The following MSH4 variants were observed in gnomAD, a reference collection of about 807,000 sequenced individuals.
MSH4 encodes the protein mutS protein homolog 4.
MSH4 carries 106 observed loss-of-function variants against 113.7 expected under a neutral mutation model. The ratio of observed to expected loss-of-function variants is 0.93; its 90% CI spans 0.80 to 1.10. The LOEUF is 1.10. Among genes scored for constraint, MSH4 ranks in the 50% least tolerant of loss-of-function variants. The pLI is 0.00. For missense variants in MSH4, 1,061 were observed against 1,093.7 expected, an observed-to-expected ratio of 0.97 and a Z score of 0.42; for synonymous variants, 368 against 380.2, an observed-to-expected ratio of 0.97 and a Z score of 0.37.
intron 7 of MSH4, among the ~76,000 whole-genome samples, chr1:75,843,885 C>T (rs1050860467): frequency 4.6e-5 from 7 of 152,008 alleles, no homozygotes; most frequent in African/African-American, 1.7e-4. Flanking sequence ...GATCTCGGCT[C>T]ACTGTAACCT....
At chr1:75,809,919 G>C (rs1650151809) in intron 3 of MSH4, among the ~76,000 whole-genome samples, 1 of 152,054 alleles carries the variant, frequency 6.6e-6, no homozygotes, top group Non-Finnish European at 1.5e-5. Flanking sequence ...CCAAAGTGCT[G>C]AGATTACAGG....
chr1:75,861,610 A>C (rs1651456038), intron 8 of MSH4, among the ~76,000 whole-genome samples: 1 of 152,206 alleles, frequency 6.6e-6, no homozygotes, highest in African/African-American at 2.4e-5. Flanking sequence ...AGAACAGCAA[A>C]TATTGCTGCC....
intron 19 of MSH4, among the ~76,000 whole-genome samples, chr1:75,904,860 T>G (rs1652587450): frequency 1.3e-5 from 2 of 152,116 alleles, no homozygotes; most frequent in Non-Finnish European, 2.9e-5. Flanking sequence ...TTCTTTCTTT[T>G]AAGTTTTCCA....
chr1:75,876,559 A>G (rs1267796025), intron 9 of MSH4, among the ~76,000 whole-genome samples: 1 of 152,132 alleles, frequency 6.6e-6, no homozygotes, highest in African/African-American at 2.4e-5. Flanking sequence ...TGAATATACA[A>G]AGCACTTTTT....
chr1:75,807,712 T>G (rs887507135), intron 3 of MSH4, among the ~76,000 whole-genome samples: 1 of 152,152 alleles, frequency 6.6e-6, no homozygotes, highest in Admixed American at 6.5e-5. Flanking sequence ...GATAGACTTG[T>G]GGATTTAAGT....
At chr1:75,881,421 G>A (rs754232325) in intron 14 of MSH4, 51 bp downstream of exon 14, 3 of 1,562,372 alleles carry the variant, frequency 1.9e-6, no homozygotes, top group Non-Finnish European at 2.6e-6. Context: ...ATTTGTATTC[G>A]ATTCAAACAA....
In MSH4 at chr1:75,807,004, G is replaced by A; in HGVS notation, c.451G>A (p.Ala151Thr). ...YSASSSSAIS[A>T]HSPSVIVAVV... ...AGCTTCATCCTCATCTGCGATTTCT[G>A]CACACTCCCCATCAGTTATTGTAGC... The change falls in exon 3 of 20, where the codon GCA becomes ACA. Residue 151 changes from alanine to threonine, a missense_variant. Physicochemically the swap from Ala to Thr is moderately conservative, Grantham distance 58. Transcript: ENST00000263187. The A allele has an allele frequency of 3.2e-6, 5 of 1,579,204 alleles. No homozygotes were observed. The highest frequency in any genetic ancestry group is 2.0e-5 in the Admixed American group (1 of 51,090).
Position 75,822,461 on chromosome 1 carries a change from A to G in MSH4, c.1042A>G (p.Ser348Gly). ...VLNYTKTPGG[S>G]RRLRSNILEP... ...AAATTATACTAAGACTCCTGGAGGG[A>G]GTAGACGACTTCGTTCTAATATATT... Residue 348 changes from serine to glycine, a missense_variant, in exon 7 of 20, where the codon AGT (serine) becomes GGT (glycine). Transcript: ENST00000263187. 1 of 1,587,060 alleles carries G rather than the reference A, an allele frequency of 6.3e-7. No homozygotes were observed. The highest frequency in any genetic ancestry group is 8.6e-7 in the Non-Finnish European group (1 of 1,169,324).
chr1:75,819,021 C>G (rs1650350983), intron 6 of MSH4, among the ~76,000 whole-genome samples: 1 of 152,094 alleles, frequency 6.6e-6, no homozygotes, highest in African/African-American at 2.4e-5. Flanking sequence ...CCGCCTCGGC[C>G]TCCTAAAGTG....
intron 8 of MSH4, among the ~76,000 whole-genome samples, chr1:75,857,669 C>CT (rs1651350721): frequency 6.6e-6 from 1 of 152,140 alleles, no homozygotes; most frequent in Non-Finnish European, 1.5e-5. Context: ...GTACCAGTAC[C>CT]ATGCTGTTTT....
intron 19 of MSH4, among the ~76,000 whole-genome samples, chr1:75,905,550 G>A (rs1337527464): frequency 6.6e-6 from 1 of 152,122 alleles, no homozygotes; most frequent in African/African-American, 2.4e-5. Flanking sequence ...TTCTGCAAAT[G>A]TCAGTGAGGT....
rs988993085 is a variant in MSH4 at position 75,810,689 on chromosome 1, G to T, written c.589-8G>T. 1.6e-6 allele frequency: 2 copies of T among 1,281,958 alleles called. No homozygotes were observed. Among genetic ancestry groups the T allele is most frequent in the East Asian group, 2.5e-5 (1 of 39,866 alleles). The allele number at this position is 1,281,958 out of a possible 1,614,324, so 79.4% of individuals were successfully genotyped here. On this transcript the variant is annotated splice_region_variant and splice_polypyrimidine_tract_variant and intron_variant, in intron 3 of 19. Transcript: ENST00000263187. ...TATTTAAGAAATTGTTTATTCAAAT[G>T]ATTTCAGGTGATCACTAAACTTAAA...
chr1:75,826,240 GTTTA>G (rs992886751), intron 7 of MSH4, among the ~76,000 whole-genome samples: 148 of 152,208 alleles, frequency 9.7e-4, no homozygotes, highest in African/African-American at 3.4e-3. Flanking sequence ...AGATTTTCTA[GTTTA>G]TTTGTGTAGA....
chr1:75,796,929 T>C lies in MSH4; in HGVS notation c.-57T>C, dbSNP rs1017255100. The C allele has an allele frequency of 7.5e-6, 12 of 1,603,962 alleles. No homozygotes were observed. In the African/African-American group the frequency reaches 1.5e-4, roughly 20 times the overall value. On this transcript the variant is annotated 5_prime_UTR_variant, in exon 1 of 20. Transcript: ENST00000263187. ...AGCGGCGCAGCTTCTGTAGTTGGGC[T>C]ACTGGAGGGGTCGCTCAGAAACCTC...
chr1:75,908,417 A>T (rs1652715858), intron 19 of MSH4, among the ~76,000 whole-genome samples: 1 of 152,206 alleles, frequency 6.6e-6, no homozygotes, highest in African/African-American at 2.4e-5. Context: ...AAGTATTGGG[A>T]TTACAGGCGT....
chr1:75,905,153 T>TC (rs1264915407), intron 19 of MSH4, among the ~76,000 whole-genome samples: 1 of 151,886 alleles, frequency 6.6e-6, no homozygotes, highest in East Asian at 1.9e-4. Flanking sequence ...TTGTTGTTTT[T>TC]TTTTAAATGT....
At chr1:75,886,698 T>C (rs1456602402) in intron 15 of MSH4, among the ~76,000 whole-genome samples, 6 of 133,854 alleles carry the variant, frequency 4.5e-5, no homozygotes. Flanking sequence ...ATGTATAATA[T>C]ATAAATATAT....
intron 7 of MSH4, among the ~76,000 whole-genome samples, chr1:75,832,299 C>T (rs1359748174): frequency 6.6e-6 from 1 of 152,040 alleles, no homozygotes; most frequent in Non-Finnish European, 1.5e-5. Context: ...AAATAATAGC[C>T]TACCAACCAA....
At chr1:75,904,014 C>G (rs1329154016) in intron 19 of MSH4, among the ~76,000 whole-genome samples, 1 of 151,980 alleles carries the variant, frequency 6.6e-6, no homozygotes, top group African/African-American at 2.4e-5. Context: ...TAATGTATGT[C>G]CTTTATTGTT....
Sources: allele counts gnomAD v4.1 joint callset (sites outside exome capture counted in the v4.1 genomes callset), GRCh38; gene constraint gnomAD v4.1.1; transcripts MANE v1.5; gene names NCBI Gene and HGNC (gene_info 2026-07-23, HGNC 2026-07-21).